SYTL3: variants seen among roughly 807,000 people sequenced by gnomAD.
SYTL3 encodes synaptotagmin like 3.
In SYTL3, 88 loss-of-function variants were observed where a neutral mutation model predicts 82.1. That is an observed-to-expected ratio of 1.07 (90% confidence interval 0.90 to 1.28). The LOEUF (loss-of-function observed/expected upper bound fraction) is 1.28, where lower values mean the gene tolerates loss of function less well. Ranked by LOEUF, SYTL3 falls within the 50% of genes most tolerant of loss-of-function variation. The probability of loss-of-function intolerance (pLI) is 0.00; values close to 1 mark genes in which losing one functional copy is unlikely to be tolerated. For synonymous variants in SYTL3, 311 were observed against 289.4 expected, an observed-to-expected ratio of 1.07 and a Z score of -0.76; for missense variants, 831 against 757.6, an observed-to-expected ratio of 1.10 and a Z score of -1.14.
intron 6 of SYTL3, among the ~76,000 whole-genome samples, chr6:158,687,926 T>TA (rs1779462845): frequency 6.6e-6 from 1 of 152,236 alleles, no homozygotes; most frequent in Non-Finnish European, 1.5e-5. Flanking sequence ...TACTGTAAAT[T>TA]ACATGCACGT....
rs1789249593 is a variant in SYTL3, at chr6:158,757,259, G to T, written c.1186G>T (p.Val396Leu). 1 of 1,612,882 alleles carries T rather than the reference G, an allele frequency of 6.2e-7. No homozygotes were observed. The highest frequency in any genetic ancestry group is 8.5e-7 in the Non-Finnish European group (1 of 1,180,002). The change falls in exon 14 of 18, where the codon GTG becomes TTG. Residue 396 changes from valine to leucine, a missense_variant. Val to Leu is a conservative substitution (Grantham distance 32). Coordinates refer to ENST00000611299, the MANE Select transcript of SYTL3 (RefSeq NM_001242394.2). Reference protein sequence around the residue: ...QLVTRQLQVSVWHLGTLARRV... With the variant: ...QLVTRQLQVSLWHLGTLARRV... ...GGTGACCCGGCAGCTGCAGGTCTCG[G>T]TGTGGCATCTGGGCACGCTGGCCCG...
At chr6:158,692,576 A>G (rs1013415972) in intron 6 of SYTL3, among the ~76,000 whole-genome samples, 4 of 152,074 alleles carry the variant, frequency 2.6e-5, no homozygotes, top group African/African-American at 9.7e-5. Context: ...CCGTCCCATC[A>G]CAGGGTTATG....
At chr6:158,655,908 T>C (rs975566253) in intron 2 of SYTL3, among the ~76,000 whole-genome samples, 2 of 152,102 alleles carry the variant, frequency 1.3e-5, no homozygotes, top group South Asian at 2.1e-4. Context: ...TCTTGCCTCA[T>C]TGGGCAGAAG....
chr6:158,667,416 C>A (rs1304818800), intron 5 of SYTL3, among the ~76,000 whole-genome samples: 1 of 152,106 alleles, frequency 6.6e-6, no homozygotes, highest in African/African-American at 2.4e-5. Flanking sequence ...GGGAGAGAGC[C>A]AAGTAGTTTG....
intron 6 of SYTL3, among the ~76,000 whole-genome samples, chr6:158,683,201 G>A (rs898758247): frequency 2.7e-5 from 4 of 150,262 alleles, no homozygotes; most frequent in African/African-American, 9.8e-5. Context: ...CTACCTCTGA[G>A]GTTGGCCCTA....
At chr6:158,762,238 C>T (rs1790074461) in intron 16 of SYTL3, 60 bp downstream of exon 16, 6 of 1,208,002 alleles carry the variant, frequency 5.0e-6, no homozygotes, top group Admixed American at 2.1e-5. Flanking sequence ...CAACATGGCC[C>T]AGAACCTGCA....
intron 5 of SYTL3, among the ~76,000 whole-genome samples, chr6:158,678,831 A>T (rs968824613): frequency 6.6e-6 from 1 of 152,150 alleles, no homozygotes; most frequent in Non-Finnish European, 1.5e-5. Context: ...AATTGAAAAA[A>T]TTTTTAAAGA....
intron 12 of SYTL3, among the ~76,000 whole-genome samples, chr6:158,749,141 T>A (rs1175646715): frequency 1.3e-5 from 2 of 151,296 alleles, no homozygotes; most frequent in African/African-American, 4.9e-5. Context: ...AGGAGAATTG[T>A]TTGAACCCAG....
At chr6:158,727,854 T>C (rs1360134506) in intron 11 of SYTL3, among the ~76,000 whole-genome samples, 1 of 152,088 alleles carries the variant, frequency 6.6e-6, no homozygotes, top group Non-Finnish European at 1.5e-5. Flanking sequence ...CAGCCCCAAC[T>C]ACTCTTGATA....
chr6:158,713,431 T>C (rs1224130516), intron 8 of SYTL3, among the ~76,000 whole-genome samples: 3 of 152,088 alleles, frequency 2.0e-5, no homozygotes, highest in African/African-American at 4.8e-5. Context: ...GGTGGGGCCA[T>C]TGGAGAAAAG....
rs770065428 is a variant in SYTL3 at position 158,762,030 on chromosome 6, G to GT, written c.1415-45dup. On this transcript the variant is annotated intron_variant, in intron 15 of 17. Coordinates refer to ENST00000611299, the MANE Select transcript of SYTL3 (RefSeq NM_001242394.2). Reference sequence around the variant, plus strand: ...TGGGGTGGTGGTACTGCATACTAACGTATCAGGAGACATGGTTTGACAGTG... The same window carrying GT: ...TGGGGTGGTGGTACTGCATACTAACGTTATCAGGAGACATGGTTTGACAGTG... The GT allele has an allele frequency of 1.4e-5, 20 of 1,408,738 alleles. No individual in the cohort carries two copies. In the African/African-American group the frequency reaches 2.1e-4, roughly 15 times the overall value. 87.3% of individuals were successfully genotyped at this position (1,408,738 alleles called of 1,614,324 possible).
intron 15 of SYTL3, 82 bp from the exon 16 acceptor site, chr6:158,761,994 G>C: frequency 1.0e-6 from 1 of 954,698 alleles, no homozygotes; most frequent in Non-Finnish European, 1.6e-6. Flanking sequence ...CTCTAGCTGA[G>C]CTCTCGGTTT....
At chr6:158,668,944 A>T (rs1777051604) in intron 5 of SYTL3, among the ~76,000 whole-genome samples, 1 of 152,154 alleles carries the variant, frequency 6.6e-6, no homozygotes, top group South Asian at 2.1e-4. Flanking sequence ...AGAACCAAGG[A>T]AAGTTGTTTT....
At chr6:158,725,719 A>T in intron 11 of SYTL3, 82 bp downstream of exon 11, 1 of 1,519,614 alleles carries the variant, frequency 6.6e-7, no homozygotes, top group Admixed American at 2.0e-5. Context: ...CCTTATTTCA[A>T]TTACTCCTAT....
intron 12 of SYTL3, among the ~76,000 whole-genome samples, chr6:158,749,172 C>T (rs865958816): frequency 6.6e-6 from 1 of 151,852 alleles, no homozygotes. Flanking sequence ...TTGCAGTGAG[C>T]CAAGATCATG....
At chr6:158,700,765 C>T (rs577848419) in intron 6 of SYTL3, among the ~76,000 whole-genome samples, 30 of 152,236 alleles carry the variant, frequency 2.0e-4, no homozygotes, top group Middle Eastern at 3.4e-3. Flanking sequence ...TACAGGTGCC[C>T]GCCACCACGG....
intron 11 of SYTL3, among the ~76,000 whole-genome samples, chr6:158,736,767 G>A (rs758917631): frequency 9.9e-5 from 14 of 141,642 alleles, no homozygotes; most frequent in African/African-American, 2.4e-4. Flanking sequence ...CAGCCTGGGC[G>A]ACAAGAGCGA....
At chr6:158,650,657 A>T (rs985214817) in intron 1 of SYTL3, among the ~76,000 whole-genome samples, 1 of 152,150 alleles carries the variant, frequency 6.6e-6, no homozygotes, top group Non-Finnish European at 1.5e-5. Context: ...TTAAATTAGA[A>T]TTGGGCTGGG....
intron 6 of SYTL3, among the ~76,000 whole-genome samples, chr6:158,705,546 T>G (rs1368106960): frequency 1.6e-3 from 167 of 103,158 alleles, no homozygotes; most frequent in Admixed American, 2.3e-3. Context: ...CTGAGGGCTG[T>G]AAGGTCACAT....
Sources: allele counts gnomAD v4.1 joint callset (sites outside exome capture counted in the v4.1 genomes callset), GRCh38; gene constraint gnomAD v4.1.1; transcripts MANE v1.5; gene names NCBI Gene and HGNC (gene_info 2026-07-23, HGNC 2026-07-21).